Variants in ITK observed in about 807,000 individuals in gnomAD.
ITK encodes tyrosine-protein kinase ITK/TSK.
A neutral mutation model predicts 87.6 loss-of-function variants in ITK; 45 were observed. The ratio of observed to expected loss-of-function variants is 0.51; its 90% CI spans 0.40 to 0.66. The LOEUF (loss-of-function observed/expected upper bound fraction) is 0.66. ITK is among the 30% of genes least tolerant of loss of function. ITK has a pLI of 0.00. For missense variants in ITK, 605 were observed against 766.3 expected (o/e 0.79, Z 2.48); for synonymous variants, 303 against 273.6 (o/e 1.11, Z -1.06).
intron 6 of ITK, among the ~76,000 whole-genome samples, chr5:157,224,100 A>T (rs1435142998): frequency 6.6e-6 from 1 of 152,084 alleles, no homozygotes; most frequent in Non-Finnish European, 1.5e-5. Context: ...CCTGGCCAAC[A>T]TGGTGAAACC....
intron 1 of ITK, chr5:157,199,326 C>T (rs17054347): frequency 0.28 from 43,050 of 151,960 alleles, 6,193 homozygotes; most frequent in East Asian, 0.42. Flanking sequence ...TGTCCTTTTC[C>T]CATGGGTAGC....
At chr5:157,240,004 T>G in intron 9 of ITK, 58 bp from the exon 10 acceptor site, 1 of 1,560,468 alleles carries the variant, frequency 6.4e-7, no homozygotes, top group Non-Finnish European at 8.8e-7. Context: ...TCGTAGACTT[T>G]TTTGTGTCTC....
intron 11 of ITK, among the ~76,000 whole-genome samples, chr5:157,243,259 G>C (rs1754950147): frequency 6.6e-6 from 1 of 152,092 alleles, no homozygotes; most frequent in Admixed American, 6.5e-5. Flanking sequence ...GTATATAGCA[G>C]GTGCTCTTAA....
intron 1 of ITK, among the ~76,000 whole-genome samples, chr5:157,200,210 A>G (rs929637106): frequency 6.6e-5 from 10 of 152,216 alleles, no homozygotes; most frequent in Non-Finnish European, 1.5e-5. Context: ...AGCATCTTGA[A>G]TTGTGTCTGA....
At chr5:157,194,660 G>A (rs1753818199) in intron 1 of ITK, among the ~76,000 whole-genome samples, 1 of 152,216 alleles carries the variant, frequency 6.6e-6, no homozygotes, top group Admixed American at 6.5e-5. Flanking sequence ...GAGCACACAA[G>A]ATGGCACATG....
chr5:157,183,082 C>T (rs1029404796), intron 1 of ITK, among the ~76,000 whole-genome samples: 1 of 151,840 alleles, frequency 6.6e-6, no homozygotes, highest in Admixed American at 6.6e-5. Context: ...TTTTCTAATG[C>T]CTTTTTTACT....
intron 9 of ITK, among the ~76,000 whole-genome samples, chr5:157,238,974 G>T (rs1271106441): frequency 2.0e-5 from 3 of 152,168 alleles, no homozygotes; most frequent in Non-Finnish European, 4.4e-5. Flanking sequence ...CTGAGGATGT[G>T]AGCAGGACGT....
chr5:157,251,191 G>A (rs1349820637), intron 16 of ITK, among the ~76,000 whole-genome samples: 1 of 152,122 alleles, frequency 6.6e-6, no homozygotes, highest in Non-Finnish European at 1.5e-5. Flanking sequence ...GATTTCAGTG[G>A]TTCTAATAGA....
chr5:157,211,194 A>G lies in ITK; in HGVS notation c.244-93A>G, dbSNP rs1754184702. The G allele has an allele frequency of 4.9e-6, 5 of 1,011,140 alleles. No individual in the cohort carries two copies. The Admixed American group carries it at 8.5e-5, about 17-fold the overall frequency. The allele number at this position is 1,011,140 out of a possible 1,614,324, so 62.6% of individuals were successfully genotyped here. A position where few individuals can be genotyped will look rare whatever the true frequency, so the allele number is the denominator to read the frequency against. ...AATGTTTGCCTATATGACGATAAACACCCGAGACCCCACTCTCGGCTCAGT... is the reference window on the plus strand; with the variant it reads ...AATGTTTGCCTATATGACGATAAACGCCCGAGACCCCACTCTCGGCTCAGT... On this transcript the variant is annotated intron_variant, in intron 2 of 16. Coordinates refer to ENST00000422843, the MANE Select transcript of ITK (RefSeq NM_005546.4).
chr5:157,199,986 C>T lies in ITK; in HGVS notation c.139-8903C>T, dbSNP rs958111240. Among the ~76,000 whole-genome samples the T allele has an allele frequency of 5.9e-5, 9 of 151,824 alleles. 1 individual carries two copies. The highest frequency in any genetic ancestry group is 5.9e-4 in the Admixed American group (9 of 15,238). The stretch of plus-strand genomic sequence containing the variant: ...CCTGTTTCTGGGTTGGGGTTTTGTA[C>T]ATAGCAGAGCAGCTCCTTCTCTGTG... On this transcript the variant is annotated intron_variant, in intron 1 of 16. Transcript: ENST00000422843.
intron 1 of ITK, among the ~76,000 whole-genome samples, chr5:157,191,037 T>A (rs163309): frequency 6.6e-6 from 1 of 151,996 alleles, no homozygotes; most frequent in Non-Finnish European, 1.5e-5. Flanking sequence ...GCCAGGAAGC[T>A]GGGTACAGTC....
intron 3 of ITK, among the ~76,000 whole-genome samples, chr5:157,213,315 G>A (rs908092511): frequency 1.2e-4 from 19 of 152,182 alleles, no homozygotes; most frequent in African/African-American, 4.1e-4. Flanking sequence ...ACCACCACCT[G>A]GTCTCTCCCT....
chr5:157,228,042 T>C (rs1380744208), intron 6 of ITK, among the ~76,000 whole-genome samples: 1 of 151,954 alleles, frequency 6.6e-6, no homozygotes, highest in Non-Finnish European at 1.5e-5. Context: ...GGTTTCAGCA[T>C]ATTGGCCAGG....
chr5:157,252,020 A>C (rs1755147891), intron 16 of ITK, among the ~76,000 whole-genome samples: 1 of 152,216 alleles, frequency 6.6e-6, no homozygotes, highest in African/African-American at 2.4e-5. Flanking sequence ...ATATCTAAAA[A>C]AAATAACTTG....
intron 7 of ITK, among the ~76,000 whole-genome samples, 167 bp from the exon 8 acceptor site, chr5:157,232,173 G>A (rs1754670427): frequency 6.6e-6 from 1 of 152,166 alleles, no homozygotes; most frequent in African/African-American, 2.4e-5. Context: ...CGCACTGGTA[G>A]AAACATACGT....
chr5:157,236,525 A>T (rs938266305), intron 8 of ITK, among the ~76,000 whole-genome samples: 1 of 152,196 alleles, frequency 6.6e-6, no homozygotes, highest in Non-Finnish European at 1.5e-5. Flanking sequence ...TGTAGTTTCT[A>T]TATACTTTGT....
chr5:157,238,392 G>C lies in ITK; in HGVS notation c.851+201G>C, dbSNP rs528697627. Among the ~76,000 whole-genome samples, 7 of 152,328 alleles carry C rather than the reference G, an allele frequency of 4.6e-5. No homozygotes were observed. In the South Asian group the frequency reaches 1.5e-3, roughly 32 times the overall value. On this transcript the variant is annotated intron_variant, in intron 9 of 16. Coordinates refer to ENST00000422843, the MANE Select transcript of ITK (RefSeq NM_005546.4). ...GAGACTTAGAAAGTGACAGAGCTGG[G>C]AGTGGATGCCAGGTCCTCTTTCAAT...
rs1435851878 is a variant in ITK at position 157,234,409 on chromosome 5, T to C, written c.768+2015T>C. On this transcript the variant is annotated intron_variant, in intron 8 of 16. Coordinates refer to ENST00000422843, the MANE Select transcript of ITK (RefSeq NM_005546.4). ...TGGATAGAATTGAATGACATTTTCT[T>C]GCTATTTTTCACTTTTTTTGTGTGC... is the stretch of plus-strand genomic sequence containing the variant. Among the ~76,000 whole-genome samples the C allele has an allele frequency of 2.0e-5, 3 of 152,350 alleles. 1 individual carries two copies. Among genetic ancestry groups the C allele is most frequent in the Middle Eastern group, 6.8e-3 (2 of 294 alleles).
intron 1 of ITK, among the ~76,000 whole-genome samples, chr5:157,182,008 TA>T (rs1248563462): frequency 6.6e-6 from 1 of 152,220 alleles, no homozygotes; most frequent in African/African-American, 2.4e-5. Context: ...TCTTTCTTCA[TA>T]AAATGAAAAA....
Sources: allele counts gnomAD v4.1 joint callset (sites outside exome capture counted in the v4.1 genomes callset), GRCh38; gene constraint gnomAD v4.1.1; transcripts MANE v1.5; gene names NCBI Gene and HGNC (gene_info 2026-07-23, HGNC 2026-07-21).